The following MYOC variants were observed in gnomAD, a reference collection of about 807,000 sequenced individuals.
MYOC encodes the protein juvenile-onset open-angle glaucoma 1.
Under a neutral mutation model 28.2 loss-of-function variants are expected in MYOC, and 29 were observed. That is an observed-to-expected ratio of 1.03 (90% confidence interval 0.77 to 1.40). MYOC has a LOEUF of 1.40. Among genes scored for constraint, MYOC ranks in the 40% most tolerant of loss-of-function variants. The pLI, the probability that MYOC is intolerant of heterozygous loss-of-function variation, is 0.00. For synonymous variants in MYOC, 240 were observed against 245.6 expected (o/e 0.98, Z 0.21); for missense variants, 569 against 620.6 (o/e 0.92, Z 0.88).
At chr1:171,646,462 G>A (rs76062269) in intron 1 of MYOC, among the ~76,000 whole-genome samples, 3,402 of 151,272 alleles carry the variant, frequency 0.022, 59 homozygotes, top group Middle Eastern at 0.065. Flanking sequence ...CAGATAGTTA[G>A]CATTTTTGGG....
chr1:171,635,900 A>G lies in MYOC; in HGVS notation c.*25T>C. 1.9e-6 allele frequency: 3 copies of G among 1,613,390 alleles called. No individual in the cohort carries two copies. The highest frequency in any genetic ancestry group is 2.5e-6 in the Non-Finnish European group (3 of 1,179,718). On this transcript the variant is annotated 3_prime_UTR_variant, in exon 3 of 3. Transcript: ENST00000037502. The stretch of plus-strand genomic sequence containing the variant: ...GGAGCCCTGAGCATCTCCTTCTGCC[A>G]TTGCCTGTACAGCTTGGAGGCTTTT...
chr1:171,652,500 T>C lies in MYOC; in HGVS notation c.112A>G (p.Arg38Gly). 1 of 1,614,218 alleles carries C rather than the reference T, an allele frequency of 6.2e-7. No homozygotes were observed. Among genetic ancestry groups the C allele is most frequent in the South Asian group, 1.1e-5 (1 of 91,080 alleles). Residue 38 changes from arginine to glycine, a missense_variant, in exon 1 of 3, where the codon AGG becomes GGG. Transcript: ENST00000037502. ...WDVGARTAQL[R>G]KANDQSGRCQ... ...CGGCCACTCTGGTCATTGGCCTTCC[T>C]GAGCTGAGCTGTCCTGGCCCCCACA...
Position 171,652,185 on chromosome 1 carries a change from T to G in MYOC, c.427A>C (p.Ser143Arg). 6.2e-7 allele frequency: 1 copy of G among 1,614,208 alleles called. No individual in the cohort carries two copies. The change falls in exon 1 of 3, where the codon AGC becomes CGC. Residue 143 changes from serine (S) to arginine (R), a missense_variant. Coordinates refer to ENST00000037502, the MANE Select transcript of MYOC (RefSeq NM_000261.2). The part of the protein sequence containing the change: ...TQTRELETAY[S>R]NLLRDKSVLE... Reference sequence around the variant, plus strand: ...ACTGACTTGTCTCGGAGGAGGTTGCTGTAGGCAGTCTCCAACTCTCTGGTT... The same window carrying G: ...ACTGACTTGTCTCGGAGGAGGTTGCGGTAGGCAGTCTCCAACTCTCTGGTT...
chr1:171,648,223 C>T (rs980971255), intron 1 of MYOC, among the ~76,000 whole-genome samples: 13 of 151,994 alleles, frequency 8.6e-5, no homozygotes, highest in African/African-American at 3.1e-4. Context: ...CAAGAACAAA[C>T]CTCGTCCCCA....
intron 2 of MYOC, 147 bp downstream of exon 2, chr1:171,638,450 G>C (rs1652986298): frequency 2.2e-6 from 2 of 900,544 alleles, no homozygotes; most frequent in South Asian, 3.1e-5. Context: ...AGAGAGTTCT[G>C]TTCCTCTTCT....
chr1:171,651,016 A>G (rs1653338960), intron 1 of MYOC, among the ~76,000 whole-genome samples: 1 of 152,188 alleles, frequency 6.6e-6, no homozygotes, highest in Non-Finnish European at 1.5e-5. Context: ...AAATTGCCTC[A>G]GTTATCCCAA....
At position 171,638,668 on chromosome 1, in the gene MYOC, G is replaced by T. The variant is rs757609473; in HGVS notation, c.659C>A (p.Thr220Asn). Residue 220 changes from threonine to asparagine, a missense_variant, in exon 2 of 3, where the codon ACT becomes AAT. Physicochemically the swap from Thr to Asn is moderately conservative, Grantham distance 65. Coordinates refer to ENST00000037502, the MANE Select transcript of MYOC (RefSeq NM_000261.2). ...LAFQELKSEL[T>N]EVPASRILKE... is the part of the protein sequence containing the mutation. ...CAAAATTCGGGAAGCAGGAACTTCAGTTAGCTCGGACTTCAGTTCCTGGAA... is the reference window on the plus strand; with the variant it reads ...CAAAATTCGGGAAGCAGGAACTTCATTTAGCTCGGACTTCAGTTCCTGGAA... 9 of 1,614,180 alleles carry T rather than the reference G, an allele frequency of 5.6e-6. No individual in the cohort carries two copies. The highest frequency in any genetic ancestry group is 6.8e-6 in the Non-Finnish European group (8 of 1,180,006).
chr1:171,647,540 C>CA (rs1653233281), intron 1 of MYOC, among the ~76,000 whole-genome samples: 1 of 151,502 alleles, frequency 6.6e-6, no homozygotes, highest in Admixed American at 6.6e-5. Context: ...CAAAACAAAA[C>CA]AAAAAACAAA....
intron 1 of MYOC, among the ~76,000 whole-genome samples, chr1:171,641,035 A>G (rs1653063544): frequency 6.6e-6 from 1 of 152,132 alleles, no homozygotes; most frequent in African/African-American, 2.4e-5. Flanking sequence ...AATGAACCCT[A>G]ATTTAAACCG....
chr1:171,652,376 C>T lies in MYOC; in HGVS notation c.236G>A (p.Ser79Asn). ...GGCCTCCAGGTCTAAGCGTTGGGTG[C>T]TGCTGTCTCTCTGTAAGTTATGGAT... ...SVIHNLQRDSSTQRLDLEATK... is the reference protein window; with the variant it reads ...SVIHNLQRDSNTQRLDLEATK... The change falls in exon 1 of 3, where the codon AGC (serine) becomes AAC (asparagine). Residue 79 changes from serine (S) to asparagine (N), a missense_variant. Ser to Asn is a conservative substitution (Grantham distance 46, BLOSUM62 1). Coordinates refer to ENST00000037502, the MANE Select transcript of MYOC (RefSeq NM_000261.2). 3 of 1,612,902 alleles carry T rather than the reference C, an allele frequency of 1.9e-6. No individual in the cohort carries two copies. The highest frequency in any genetic ancestry group is 2.5e-6 in the Non-Finnish European group (3 of 1,178,964).
rs147534577 is a variant in MYOC at position 171,642,753 on chromosome 1, C to A, written c.605-4031G>T. The stretch of plus-strand genomic sequence containing the variant: ...CATGGCAGGCCTTCATTATTCCTAG[C>A]CTCAAATCCACAGAGCTATTTATCC... On this transcript the variant is annotated intron_variant, in intron 1 of 2. Transcript: ENST00000037502. Among the ~76,000 whole-genome samples the A allele has an allele frequency of 9.2e-5, 14 of 152,164 alleles. No individual in the cohort carries two copies. The East Asian group carries it at 2.5e-3, about 27-fold the overall frequency.
chr1:171,647,605 G>T (rs1653234718), intron 1 of MYOC, among the ~76,000 whole-genome samples: 2 of 152,112 alleles, frequency 1.3e-5, no homozygotes. Context: ...TTATTCACTG[G>T]GTGGCCACTG....
intron 2 of MYOC, among the ~76,000 whole-genome samples, chr1:171,637,471 C>A (rs1652954523): frequency 6.6e-6 from 1 of 152,122 alleles, no homozygotes; most frequent in African/African-American, 2.4e-5. Context: ...GGCTCAAGCA[C>A]CCCTCCCATC....
rs1423363951 is a variant in MYOC at position 171,652,128 on chromosome 1, C to T, written c.484G>A (p.Glu162Lys). 6.2e-7 allele frequency: 1 copy of T among 1,614,170 alleles called. No homozygotes were observed. The highest frequency in any genetic ancestry group is 1.7e-5 in the Admixed American group (1 of 60,028). The change falls in exon 1 of 3, where the codon GAA (glutamate) becomes AAA (lysine). Residue 162 changes from glutamate (E) to lysine (K), a missense_variant. Physicochemically the swap from Glu to Lys is moderately conservative, Grantham distance 56 (BLOSUM62 1). Coordinates refer to ENST00000037502, the MANE Select transcript of MYOC (RefSeq NM_000261.2). ...LEEEKKRLRQ[E>K]NENLARRLES... ...AACCTCCTGGCCAGATTCTCATTTT[C>T]TTGCCTTAGTCGCTTCTTCTCTTCC...
Position 171,635,500 on chromosome 1 carries a change from T to C in MYOC, c.*425A>G. The C allele has an allele frequency of 3.0e-6, 1 of 330,064 alleles. No homozygotes were observed. The highest frequency in any genetic ancestry group is 4.9e-5 in the South Asian group (1 of 20,332). 20.4% of individuals were successfully genotyped at this position (330,064 alleles called of 1,614,324 possible). On this transcript the variant is annotated 3_prime_UTR_variant, in exon 3 of 3. Coordinates refer to ENST00000037502, the MANE Select transcript of MYOC (RefSeq NM_000261.2). The stretch of plus-strand genomic sequence containing the variant: ...TATCTGAAGCATTAGAAGCCAACTG[T>C]AGTAAATGCATCTTACTTATATTCG...
In MYOC at chr1:171,652,356, C is replaced by T. The variant is rs1277050931; in HGVS notation, c.256G>A (p.Glu86Lys). The stretch of plus-strand genomic sequence containing the variant: ...GAGCTGAGTCGAGCTTTGGTGGCCT[C>T]CAGGTCTAAGCGTTGGGTGCTGCTG... ...RDSSTQRLDL[E>K]ATKARLSSLE... is the part of the protein sequence containing the mutation. Residue 86 changes from glutamate to lysine, a missense_variant, in exon 1 of 3, where the codon GAG becomes AAG. Coordinates refer to ENST00000037502, the MANE Select transcript of MYOC (RefSeq NM_000261.2). The T allele has an allele frequency of 2.5e-6, 4 of 1,611,346 alleles. No individual in the cohort carries two copies. The highest frequency in any genetic ancestry group is 3.4e-6 in the Non-Finnish European group (4 of 1,177,848).
Position 171,636,306 on chromosome 1 carries a change from G to A in MYOC, c.1134C>T (p.Asp378=). The change falls in exon 3 of 3, where the codon GAC becomes GAT. Residue 378 remains aspartate (D), a synonymous_variant. Transcript: ENST00000037502. ...QFPYSWGGYT[D]IDLAVDEAGL... ...CTGCTTCATCCACAGCCAAGTCAAT[G>A]TCCGTGTAGCCACCCCAAGAATACG... The A allele has an allele frequency of 1.2e-6, 2 of 1,614,070 alleles. No individual in the cohort carries two copies. Among genetic ancestry groups the A allele is most frequent in the Non-Finnish European group, 1.7e-6 (2 of 1,180,008 alleles).
In MYOC at chr1:171,636,224, G is replaced by T. The variant is rs1652916551; in HGVS notation, c.1216C>A (p.Leu406Met). 1 of 1,614,196 alleles carries T rather than the reference G, an allele frequency of 6.2e-7. No individual in the cohort carries two copies. ...TCGAGTTCCAGATTCTCTGGGTTCA[G>T]TTTGGAGAGGACAATGGCACCTTTG... ...EAKGAIVLSK[L>M]NPENLELEQT... Residue 406 changes from leucine (L) to methionine (M), a missense_variant, in exon 3 of 3, where the codon CTG (leucine) becomes ATG (methionine). By Grantham distance (15) the Leu-to-Met change is conservative. Coordinates refer to ENST00000037502, the MANE Select transcript of MYOC (RefSeq NM_000261.2).
intron 2 of MYOC, 47 bp from the exon 3 acceptor site, chr1:171,636,756 T>A: frequency 6.3e-7 from 1 of 1,580,412 alleles, no homozygotes. Flanking sequence ...ATCCATAATC[T>A]TTCCAAACAC....
Sources: allele counts gnomAD v4.1 joint callset (sites outside exome capture counted in the v4.1 genomes callset), GRCh38; gene constraint gnomAD v4.1.1; transcripts MANE v1.5; gene names NCBI Gene and HGNC (gene_info 2026-07-23, HGNC 2026-07-21).